GRM8: variants seen among roughly 807,000 people sequenced by gnomAD.
The protein encoded by GRM8 is glutamate metabotropic receptor 8.
GRM8 carries 47 observed loss-of-function variants against 87.2 expected under a neutral mutation model. The observed-to-expected ratio is 0.54, with a 90% CI of 0.43 to 0.69. GRM8 has a LOEUF of 0.69. GRM8 is among the 30% of genes least tolerant of loss of function. The pLI is 0.00. For synonymous variants in GRM8, 396 were observed against 404.5 expected (o/e 0.98, Z 0.25); for missense variants, 1,019 against 1,139.2 (o/e 0.89, Z 1.52).
chr7:126,452,025 C>T (rs186019235), intron 9 of GRM8, among the ~76,000 whole-genome samples: 34 of 151,764 alleles, frequency 2.2e-4, no homozygotes, highest in Admixed American at 9.9e-4. Flanking sequence ...GTGTTGTTCA[C>T]GGCTGTAAAC....
At chr7:126,863,111 T>C (rs2130828456) in intron 6 of GRM8, among the ~76,000 whole-genome samples, 1 of 152,252 alleles carries the variant, frequency 6.6e-6, no homozygotes, top group South Asian at 2.1e-4. Context: ...GAAACTTCAA[T>C]TGAAGTGATC....
At chr7:126,808,248 T>A (rs2151731097) in intron 6 of GRM8, among the ~76,000 whole-genome samples, 1 of 152,216 alleles carries the variant, frequency 6.6e-6, no homozygotes, top group South Asian at 2.1e-4. Flanking sequence ...AGACCCAAAA[T>A]AAACTTAAGA....
chr7:126,574,492 A>G (rs1211085928), intron 8 of GRM8, among the ~76,000 whole-genome samples: 1 of 152,216 alleles, frequency 6.6e-6, no homozygotes, highest in Non-Finnish European at 1.5e-5. Context: ...ACACATTCCA[A>G]TGCTGGATGT....
intron 5 of GRM8, among the ~76,000 whole-genome samples, chr7:126,903,634 T>C (rs1202540753): frequency 9.5e-6 from 1 of 105,794 alleles, no homozygotes; most frequent in Non-Finnish European, 2.0e-5. Context: ...TATGTATATG[T>C]GTATATATAT....
chr7:126,493,349 G>A (rs889246757), intron 9 of GRM8, among the ~76,000 whole-genome samples: 8 of 152,140 alleles, frequency 5.3e-5, no homozygotes, highest in South Asian at 2.1e-4. Context: ...GAGTTAGAGC[G>A]AAGAAGCAGA....
chr7:126,457,762 C>T (rs1803418105), intron 9 of GRM8, among the ~76,000 whole-genome samples: 1 of 149,406 alleles, frequency 6.7e-6, no homozygotes, highest in Non-Finnish European at 1.5e-5. Flanking sequence ...AAAATTAAAT[C>T]CAATCAATAT....
Position 127,243,344 on chromosome 7 carries a change from T to C in GRM8, c.-140A>G, listed in dbSNP as rs913459849. ...AGGCTCTGTGGGCATTAGCAAGTTT[T>C]CTTGATTTGAATGTCACAGTGAATT... is the stretch of plus-strand genomic sequence containing the variant. On this transcript the variant is annotated 5_prime_UTR_variant, in exon 2 of 11. Transcript: ENST00000339582. 1.4e-6 allele frequency: 1 copy of C among 692,164 alleles called. No homozygotes were observed. The allele number at this position is 692,164 out of a possible 1,614,324, so 42.9% of individuals were successfully genotyped here.
At chr7:126,974,883 C>T (rs1301556638) in intron 3 of GRM8, among the ~76,000 whole-genome samples, 4 of 133,088 alleles carry the variant, frequency 3.0e-5, no homozygotes, top group Non-Finnish European at 4.6e-5. Context: ...TTGCAGTGAG[C>T]CAAAATCGCG....
intron 1 of GRM8, among the ~76,000 whole-genome samples, chr7:127,245,375 G>C (rs1166691556): frequency 6.6e-6 from 1 of 152,218 alleles, no homozygotes; most frequent in Non-Finnish European, 1.5e-5. Flanking sequence ...TGTCTAGGGG[G>C]AGTGGATGGG....
At chr7:126,794,911 T>G (rs752364881) in intron 6 of GRM8, among the ~76,000 whole-genome samples, 17 of 152,186 alleles carry the variant, frequency 1.1e-4, no homozygotes, top group African/African-American at 4.1e-4. Context: ...CTGTACATTA[T>G]ACTCACCTGG....
chr7:127,041,504 A>C (rs1182247545), intron 3 of GRM8, among the ~76,000 whole-genome samples: 1 of 152,258 alleles, frequency 6.6e-6, no homozygotes, highest in East Asian at 1.9e-4. Context: ...TTGGGGAAAC[A>C]CAAATTAACA....
chr7:126,707,815 A>G (rs1810690664), intron 7 of GRM8, among the ~76,000 whole-genome samples: 1 of 152,132 alleles, frequency 6.6e-6, no homozygotes, highest in Admixed American at 6.6e-5. Context: ...CATGGAGAAA[A>G]TCTCCTTGAC....
Position 126,464,035 on chromosome 7 carries a change from C to G in GRM8, c.2431-17663G>C, listed in dbSNP as rs529399306. Among the ~76,000 whole-genome samples the G allele has an allele frequency of 8.0e-4, 122 of 151,682 alleles. 1 individual carries two copies. Among genetic ancestry groups the G allele is most frequent in the Non-Finnish European group, 1.6e-3 (106 of 67,742 alleles). ...GATTAAAGAAGCTGAATTGCTTTTC[C>G]TATAATTATTGAGCATTTGAGTATC... On this transcript the variant is annotated intron_variant, in intron 9 of 10. Transcript: ENST00000339582.
At chr7:127,190,454 G>A (rs1794964393) in intron 2 of GRM8, among the ~76,000 whole-genome samples, 1 of 151,998 alleles carries the variant, frequency 6.6e-6, no homozygotes, top group African/African-American at 2.4e-5. Context: ...TGAGACAGGA[G>A]AATTGCTTGA....
intron 8 of GRM8, among the ~76,000 whole-genome samples, chr7:126,549,387 C>G (rs1246661128): frequency 6.6e-6 from 1 of 151,950 alleles, no homozygotes; most frequent in Non-Finnish European, 1.5e-5. Context: ...CAATAAAATT[C>G]AAGCAAGGAC....
chr7:127,051,738 GCAA>G (rs1317353884), intron 3 of GRM8, among the ~76,000 whole-genome samples: 596 of 13,018 alleles, frequency 0.046, 8 homozygotes, highest in African/African-American at 0.11. Context: ...ATAATGTTGA[GCAA>G]AAAAAAAAAA....
chr7:126,905,554 A>G (rs1240505109), intron 3 of GRM8, among the ~76,000 whole-genome samples: 1 of 152,186 alleles, frequency 6.6e-6, no homozygotes, highest in Non-Finnish European at 1.5e-5. Context: ...TAAGAATTAA[A>G]TCACCATTTA....
chr7:126,856,203 T>C (rs1313967492), intron 6 of GRM8, among the ~76,000 whole-genome samples: 1 of 152,164 alleles, frequency 6.6e-6, no homozygotes, highest in East Asian at 1.9e-4. Flanking sequence ...ACCTTACTGG[T>C]TCAAGTAATT....
chr7:126,930,407 G>T (rs992553672), intron 3 of GRM8, among the ~76,000 whole-genome samples: 1 of 152,162 alleles, frequency 6.6e-6, no homozygotes, highest in African/African-American at 2.4e-5. Flanking sequence ...CAAGGGATCG[G>T]CAGTCCTACA....
Sources: allele counts gnomAD v4.1 joint callset (sites outside exome capture counted in the v4.1 genomes callset), GRCh38; gene constraint gnomAD v4.1.1; transcripts MANE v1.5; gene names NCBI Gene and HGNC (gene_info 2026-07-23, HGNC 2026-07-21).